OTUD7A: variants seen among roughly 807,000 people sequenced by gnomAD.
The protein encoded by OTUD7A is OTU deubiquitinase 7A.
Under a neutral mutation model 65.7 loss-of-function variants are expected in OTUD7A, and 12 were observed. The ratio of observed to expected loss-of-function variants is 0.18; its 90% CI spans 0.12 to 0.30. The LOEUF is 0.30. Ranked by LOEUF, OTUD7A falls within the 10% of genes least tolerant of loss-of-function variation. The pLI, the probability that OTUD7A is intolerant of heterozygous loss-of-function variation, is 1.00. For synonymous variants in OTUD7A, 641 were observed against 586.3 expected (o/e 1.09, Z -1.35); for missense variants, 1,148 against 1,304.8 (o/e 0.88, Z 1.85).
chr15:31,831,462 G>C (rs1346879820), intron 1 of OTUD7A, among the ~76,000 whole-genome samples: 2 of 152,184 alleles, frequency 1.3e-5, no homozygotes, highest in Non-Finnish European at 2.9e-5. Flanking sequence ...ACAGGGAAAT[G>C]CAAATGAGAA....
At chr15:31,691,465 G>A (rs1383264152) in intron 1 of OTUD7A, among the ~76,000 whole-genome samples, 6 of 152,266 alleles carry the variant, frequency 3.9e-5, no homozygotes, top group African/African-American at 1.4e-4. Context: ...TTCAACAAAG[G>A]TGGCAAGAAC....
At chr15:31,695,785 C>T (rs993120000) in intron 1 of OTUD7A, among the ~76,000 whole-genome samples, 7 of 151,390 alleles carry the variant, frequency 4.6e-5, no homozygotes, top group African/African-American at 1.7e-4. Flanking sequence ...GGAAAGGGAA[C>T]TCTTCAGAGA....
intron 1 of OTUD7A, among the ~76,000 whole-genome samples, chr15:31,744,874 T>G (rs1566999395): frequency 6.6e-6 from 1 of 152,002 alleles, no homozygotes; most frequent in African/African-American, 2.4e-5. Context: ...TTTTATATAC[T>G]AGTAGCAAAA....
intron 3 of OTUD7A, among the ~76,000 whole-genome samples, chr15:31,594,162 CT>C (rs1333325506): frequency 6.6e-6 from 1 of 152,160 alleles, no homozygotes; most frequent in African/African-American, 2.4e-5. Flanking sequence ...TTAAAGTATG[CT>C]TGCTGAGAGT....
chr15:31,685,434 A>G (rs1176084688), intron 1 of OTUD7A, among the ~76,000 whole-genome samples: 1 of 152,072 alleles, frequency 6.6e-6, no homozygotes, highest in Non-Finnish European at 1.5e-5. Flanking sequence ...TCATGACGTC[A>G]GGAGATCAAG....
chr15:31,673,288 A>G (rs754617657), intron 1 of OTUD7A, among the ~76,000 whole-genome samples: 22 of 152,262 alleles, frequency 1.4e-4, no homozygotes, highest in Non-Finnish European at 2.1e-4. Flanking sequence ...TTCCTAAAGT[A>G]TCCACAAGGA....
chr15:31,508,498 C>G (rs1471546919), intron 8 of OTUD7A, among the ~76,000 whole-genome samples: 1 of 152,202 alleles, frequency 6.6e-6, no homozygotes, highest in African/African-American at 2.4e-5. Flanking sequence ...TACAGGCGCC[C>G]GCCACCACGC....
chr15:31,728,088 C>T (rs943122369), intron 1 of OTUD7A, among the ~76,000 whole-genome samples: 2 of 152,220 alleles, frequency 1.3e-5, no homozygotes, highest in African/African-American at 4.8e-5. Flanking sequence ...GGATACCTCA[C>T]AGTTATTGCA....
chr15:31,598,911 C>T (rs146156539), intron 3 of OTUD7A, among the ~76,000 whole-genome samples: 299 of 152,258 alleles, frequency 2.0e-3, no homozygotes, highest in African/African-American at 6.8e-3. Flanking sequence ...CTGGGTGGAG[C>T]CCATCACAGC....
intron 3 of OTUD7A, among the ~76,000 whole-genome samples, chr15:31,605,597 C>T (rs1175744051): frequency 6.6e-6 from 1 of 152,160 alleles, no homozygotes; most frequent in East Asian, 1.9e-4. Flanking sequence ...CATTAGGGGG[C>T]GCCTCCGTGC....
At chr15:31,808,057 A>C (rs1366217779) in intron 1 of OTUD7A, among the ~76,000 whole-genome samples, 1 of 150,832 alleles carries the variant, frequency 6.6e-6, no homozygotes, top group Non-Finnish European at 1.5e-5. Context: ...GAAAACCCCA[A>C]AACATAATAT....
intron 1 of OTUD7A, among the ~76,000 whole-genome samples, chr15:31,713,544 A>C (rs1893504404): frequency 6.6e-6 from 1 of 152,022 alleles, no homozygotes; most frequent in African/African-American, 2.4e-5. Context: ...GCTTAAACCC[A>C]GGAGGCAGAG....
intron 3 of OTUD7A, among the ~76,000 whole-genome samples, chr15:31,625,041 A>T (rs548790478): frequency 1.3e-5 from 2 of 152,320 alleles, no homozygotes; most frequent in South Asian, 4.1e-4. Context: ...TTCCACCATA[A>T]GCTGTCGCTT....
In OTUD7A at chr15:31,549,586, C is replaced by T. The variant is rs115389306; in HGVS notation, c.550+9383G>A. Among the ~76,000 whole-genome samples the T allele has an allele frequency of 3.8e-3, 578 of 152,198 alleles. 6 individuals are homozygous for T. The highest frequency in any genetic ancestry group is 0.013 in the African/African-American group (557 of 41,500). On this transcript the variant is annotated intron_variant, in intron 5 of 12. Coordinates refer to ENST00000307050, the MANE Select transcript of OTUD7A (RefSeq NM_001382637.1). ...GGAGATTATCCTGGGTTGGCCTGAC[C>T]TAATCTGAGGACCAAAAGAGGGTTT...
At chr15:31,562,821 C>T (rs1328875858) in intron 4 of OTUD7A, among the ~76,000 whole-genome samples, 1 of 152,250 alleles carries the variant, frequency 6.6e-6, no homozygotes, top group East Asian at 1.9e-4. Flanking sequence ...CATGAGTGAG[C>T]GTGGGGGTGT....
chr15:31,621,729 T>C (rs1237738257), intron 3 of OTUD7A, among the ~76,000 whole-genome samples: 1 of 151,604 alleles, frequency 6.6e-6, no homozygotes, highest in African/African-American at 2.4e-5. Flanking sequence ...TATTTGCCAG[T>C]CCGTGTCTTT....
chr15:31,784,125 T>C (rs539194796), intron 1 of OTUD7A, among the ~76,000 whole-genome samples: 2 of 152,352 alleles, frequency 1.3e-5, no homozygotes, highest in South Asian at 2.1e-4. Flanking sequence ...AGATCATATG[T>C]AGATAAGTGC....
chr15:31,665,983 T>A (rs567992933), intron 1 of OTUD7A, among the ~76,000 whole-genome samples: 14 of 152,064 alleles, frequency 9.2e-5, no homozygotes, highest in African/African-American at 3.1e-4. Flanking sequence ...TGTGAAATCA[T>A]CCCTTCATCC....
chr15:31,869,213 G>A (rs1266867656), intron 1 of OTUD7A, among the ~76,000 whole-genome samples: 3 of 152,132 alleles, frequency 2.0e-5, no homozygotes, highest in Non-Finnish European at 2.9e-5. Flanking sequence ...AGTGTGCCGT[G>A]CAGATCTACC....
Sources: gnomAD v4.1 joint callset for allele counts (sites outside exome capture counted in the v4.1 genomes callset) on GRCh38, gnomAD v4.1.1 for gene constraint, MANE v1.5 for transcripts, NCBI Gene and HGNC (gene_info 2026-07-23, HGNC 2026-07-21) for gene names.